The following SERPINI2 variants were observed in gnomAD, a reference collection of about 807,000 sequenced individuals.
SERPINI2 encodes the protein serpin family I member 2.
In SERPINI2, 48 loss-of-function variants were observed where a neutral mutation model predicts 47.3. The ratio of observed to expected loss-of-function variants is 1.02; its 90% CI spans 0.81 to 1.29. The LOEUF (loss-of-function observed/expected upper bound fraction) is 1.29, where lower values mean the gene tolerates loss of function less well. Among genes scored for constraint, SERPINI2 ranks in the 50% most tolerant of loss-of-function variants. SERPINI2 has a pLI of 0.00. For synonymous variants in SERPINI2, 135 were observed against 149.3 expected (o/e 0.90, Z 0.70); for missense variants, 448 against 456.9 (o/e 0.98, Z 0.18).
Position 167,471,727 on chromosome 3 carries a change from C to A in SERPINI2, c.108G>T (p.Glu36Asp), listed in dbSNP as rs766807975. The A allele has an allele frequency of 3.7e-6, 6 of 1,613,400 alleles. No individual in the cohort carries two copies. The South Asian group carries it at 6.6e-5, about 18-fold the overall frequency. ...TGTTGTCCTTATGAGATAAGGAAAC[C>A]TCTTGATAAAGATCCACTGCAAATT... Residue 36 changes from glutamate (E) to aspartate (D), a missense_variant, in exon 2 of 9, where the codon GAG (glutamate) becomes GAT (aspartate). Physicochemically the swap from Glu to Asp is conservative, Grantham distance 45. Transcript: ENST00000264677.
intron 5 of SERPINI2, among the ~76,000 whole-genome samples, chr3:167,459,785 C>G (rs1042999208): frequency 6.6e-6 from 1 of 151,824 alleles, no homozygotes; most frequent in African/African-American, 2.4e-5. Context: ...TGTGCATACC[C>G]CCTTTCCCAA....
At chr3:167,465,067 A>T in intron 5 of SERPINI2, 139 bp downstream of exon 5, 2 of 729,790 alleles carry the variant, frequency 2.7e-6, no homozygotes, top group Non-Finnish European at 4.4e-6. Context: ...ATCCAAAAGT[A>T]GAGTAAAATT....
chr3:167,455,839 C>T (rs953773807), intron 5 of SERPINI2, among the ~76,000 whole-genome samples: 4 of 152,018 alleles, frequency 2.6e-5, no homozygotes, highest in Non-Finnish European at 4.4e-5. Context: ...AGGGGCTACA[C>T]ACTTTTGAAC....
chr3:167,476,111 T>C (rs1039456231), upstream of SERPINI2, among the ~76,000 whole-genome samples: 9 of 144,904 alleles, frequency 6.2e-5, no homozygotes, highest in African/African-American at 2.0e-4. Flanking sequence ...ACAAACAAGG[T>C]AGCCTATTGA....
At chr3:167,447,394 TTACAGTGAA>T (rs1244104670) in intron 7 of SERPINI2, among the ~76,000 whole-genome samples, 3 of 152,170 alleles carry the variant, frequency 2.0e-5, no homozygotes, top group African/African-American at 7.2e-5. Context: ...CCATTCCCAT[TTACAGTGAA>T]TACTTGGACT....
chr3:167,451,586 G>T (rs191683237), intron 6 of SERPINI2, among the ~76,000 whole-genome samples: 4 of 152,346 alleles, frequency 2.6e-5, no homozygotes, highest in African/African-American at 9.6e-5. Context: ...AAGAGGGAAA[G>T]AACAGAAGAT....
At chr3:167,442,536 T>C (rs1379180868) in intron 8 of SERPINI2, among the ~76,000 whole-genome samples, 1 of 152,122 alleles carries the variant, frequency 6.6e-6, no homozygotes, top group African/African-American at 2.4e-5. Flanking sequence ...GTGATGAGCG[T>C]GGTAGAGTTT....
chr3:167,465,179 C>T (rs1750097351), intron 5 of SERPINI2, 27 bp downstream of exon 5: 1 of 1,574,976 alleles, frequency 6.3e-7, no homozygotes. Flanking sequence ...AACGTAAGAA[C>T]TCGTATAATA....
At chr3:167,452,388 C>T (rs1749666629) in intron 6 of SERPINI2, among the ~76,000 whole-genome samples, 2 of 152,022 alleles carry the variant, frequency 1.3e-5, no homozygotes, top group African/African-American at 4.8e-5. Context: ...TGCAGGATTC[C>T]CCTGATGCGA....
chr3:167,454,546 G>A (rs557441405), intron 5 of SERPINI2, among the ~76,000 whole-genome samples: 1 of 152,248 alleles, frequency 6.6e-6, no homozygotes, highest in East Asian at 1.9e-4. Context: ...GGCTTTTAAA[G>A]GGTGGAGAAT....
At chr3:167,449,664 T>G (rs1280186542) in intron 6 of SERPINI2, among the ~76,000 whole-genome samples, 1 of 147,844 alleles carries the variant, frequency 6.8e-6, no homozygotes, top group Non-Finnish European at 1.5e-5. Flanking sequence ...TGGCTAATTT[T>G]TGTATTTTTA....
chr3:167,471,948 C>A, intron 1 of SERPINI2, 104 bp from the exon 2 acceptor site: 1 of 766,266 alleles, frequency 1.3e-6, no homozygotes, highest in Non-Finnish European at 2.1e-6. Flanking sequence ...CTTAATAGAA[C>A]TTACTACCAC....
At chr3:167,459,078 G>GTTTTTTTTTTTTTTTTGTTTT (rs536122299) in intron 5 of SERPINI2, among the ~76,000 whole-genome samples, 1 of 139,028 alleles carries the variant, frequency 7.2e-6, no homozygotes, top group Admixed American at 7.1e-5. Flanking sequence ...GTTTTTTTTT[G>GTTTTTTTTTTTTTTTTGTTTT]TTTTTTTTTT....
At chr3:167,450,418 G>T (rs1287324217) in intron 6 of SERPINI2, among the ~76,000 whole-genome samples, 1 of 152,150 alleles carries the variant, frequency 6.6e-6, no homozygotes, top group Admixed American at 6.5e-5. Context: ...GTGAAACCCG[G>T]AGCCCAGAAG....
At chr3:167,456,549 C>A (rs754079943) in intron 5 of SERPINI2, among the ~76,000 whole-genome samples, 1 of 152,174 alleles carries the variant, frequency 6.6e-6, no homozygotes, top group South Asian at 2.1e-4. Flanking sequence ...TACTCCAGAT[C>A]TCTCATCCTA....
intron 5 of SERPINI2, among the ~76,000 whole-genome samples, chr3:167,462,373 C>T (rs13074993): frequency 0.097 from 14,822 of 152,184 alleles, 745 homozygotes; most frequent in Non-Finnish European, 0.11. Flanking sequence ...GTCAGCAGTG[C>T]TGGATTCTTC....
At chr3:167,473,935 T>G in intron 1 of SERPINI2, 68 bp downstream of exon 1, 1 of 1,182,264 alleles carries the variant, frequency 8.5e-7, no homozygotes, top group Non-Finnish European at 1.1e-6. Context: ...CATACTCTAC[T>G]AAACATTCAT....
intron 5 of SERPINI2, among the ~76,000 whole-genome samples, chr3:167,460,517 A>G (rs1457982678): frequency 6.6e-6 from 1 of 152,252 alleles, no homozygotes; most frequent in Non-Finnish European, 1.5e-5. Context: ...TTCCTTTAAC[A>G]AATCAGAAGA....
chr3:167,474,773 T>C (rs1750443120), upstream of SERPINI2, among the ~76,000 whole-genome samples: 1 of 151,754 alleles, frequency 6.6e-6, no homozygotes, highest in African/African-American at 2.4e-5. Flanking sequence ...CATAATTTAA[T>C]GGGTTTCATC....
Sources: gnomAD v4.1 joint callset for allele counts (sites outside exome capture counted in the v4.1 genomes callset) on GRCh38, gnomAD v4.1.1 for gene constraint, MANE v1.5 for transcripts, NCBI Gene and HGNC (gene_info 2026-07-23, HGNC 2026-07-21) for gene names.